NCOR2: variants seen among roughly 807,000 people sequenced by gnomAD.
The protein encoded by NCOR2 is CTG repeat protein 26.
A neutral mutation model predicts 262.9 loss-of-function variants in NCOR2; 81 were observed. The observed-to-expected ratio is 0.31, with a 90% CI of 0.26 to 0.37. The LOEUF (loss-of-function observed/expected upper bound fraction) is 0.37. Among genes scored for constraint, NCOR2 ranks in the 10% least tolerant of loss-of-function variants. The pLI is 1.00. For missense variants in NCOR2, 3,385 were observed against 3,621.4 expected, an observed-to-expected ratio of 0.93 and a Z score of 1.68; for synonymous variants, 1,659 against 1,559.3, an observed-to-expected ratio of 1.06 and a Z score of -1.51.
At chr12:124,556,666 C>G (rs982680907) in intron 1 of NCOR2, among the ~76,000 whole-genome samples, 2 of 152,134 alleles carry the variant, frequency 1.3e-5, no homozygotes, top group Non-Finnish European at 2.9e-5. Flanking sequence ...TTGAGACCAG[C>G]CTGGCCAACA....
chr12:124,477,452 T>A (rs892755669), intron 3 of NCOR2, among the ~76,000 whole-genome samples: 1 of 152,220 alleles, frequency 6.6e-6, no homozygotes, highest in Non-Finnish European at 1.5e-5. Context: ...GGGTATGTCT[T>A]TATTAGCGGT....
At chr12:124,364,057 C>T (rs2038820729) in intron 20 of NCOR2, among the ~76,000 whole-genome samples, 1 of 152,198 alleles carries the variant, frequency 6.6e-6, no homozygotes, top group African/African-American at 2.4e-5. Flanking sequence ...CTGGTTCTTG[C>T]AGGCCCCATC....
chr12:124,435,263 C>T (rs962752949), intron 8 of NCOR2, among the ~76,000 whole-genome samples: 1 of 152,234 alleles, frequency 6.6e-6, no homozygotes, highest in African/African-American at 2.4e-5. Flanking sequence ...GGTCTGTTTC[C>T]TGGCCTGTGA....
At chr12:124,422,632 G>C in intron 11 of NCOR2, 77 bp from the exon 14 acceptor site, 3 of 1,561,918 alleles carry the variant, frequency 1.9e-6, no homozygotes, top group Non-Finnish European at 2.6e-6. Flanking sequence ...GCTCCCAGGC[G>C]CCTGCCATCC....
At chr12:124,377,336 G>C (rs1423080572) in intron 18 of NCOR2, among the ~76,000 whole-genome samples, 1 of 152,100 alleles carries the variant, frequency 6.6e-6, no homozygotes, top group Non-Finnish European at 1.5e-5. Flanking sequence ...TGGGGCGCCT[G>C]GGCCCAGGCC....
Position 124,354,067 on chromosome 12 carries a change from T to C in NCOR2, c.3693+26A>G, listed in dbSNP as rs746832316. On this transcript the variant is annotated intron_variant, in intron 27 of 46. Coordinates refer to ENST00000405201, the Ensembl canonical transcript of NCOR2. ...GGCCCCGTGCTGGTCCCAACCGTCCTTCCTGCCGCACCCCAGGACACCTAC... is the reference window on the plus strand; with the variant it reads ...GGCCCCGTGCTGGTCCCAACCGTCCCTCCTGCCGCACCCCAGGACACCTAC... The C allele has an allele frequency of 1.9e-6, 3 of 1,595,784 alleles. No individual in the cohort carries two copies. The South Asian group carries it at 3.4e-5, about 18-fold the overall frequency.
intron 46 of NCOR2, 114 bp from the exon 49 acceptor site, chr12:124,325,697 T>A: frequency 1.5e-6 from 1 of 654,768 alleles, no homozygotes; most frequent in Non-Finnish European, 2.2e-6. Flanking sequence ...CCAACAGTCC[T>A]CCCAGACCTT....
chr12:124,335,124 C>A lies in NCOR2; in HGVS notation c.6411+11G>T. On this transcript the variant is annotated intron_variant, in intron 40 of 46. Transcript: ENST00000405201. ...AAAGGTGACAAGCAGCAGCAGAGAA[C>A]GCGTAGTTACACTGATGTGCTGGGC... 1 of 1,612,336 alleles carries A rather than the reference C, an allele frequency of 6.2e-7. No individual in the cohort carries two copies. Among genetic ancestry groups the A allele is most frequent in the Middle Eastern group, 1.8e-4 (1 of 5,654 alleles).
At chr12:124,379,826 G>A (rs1256556299) in intron 17 of NCOR2, among the ~76,000 whole-genome samples, 1 of 152,246 alleles carries the variant, frequency 6.6e-6, no homozygotes, top group Admixed American at 6.5e-5. Flanking sequence ...TGGAAGAAAA[G>A]GGAAACACGG....
At chr12:124,476,169 C>T (rs961580777) in intron 3 of NCOR2, among the ~76,000 whole-genome samples, 3 of 152,218 alleles carry the variant, frequency 2.0e-5, no homozygotes, top group African/African-American at 4.8e-5. Context: ...CTGGCACCCC[C>T]GGGCCTTTGC....
Position 124,325,330 on chromosome 12 carries a change from C to T in NCOR2, c.*72G>A, listed in dbSNP as rs2034528813. The T allele has an allele frequency of 2.7e-6, 3 of 1,099,708 alleles. No homozygotes were observed. The South Asian group carries it at 9.8e-5, about 36-fold the overall frequency. 68.1% of individuals were successfully genotyped at this position (1,099,708 alleles called of 1,614,324 possible). ...CCTTGGTTGGGGGAGTCGGCAGCCG[C>T]CCTGCTCCTGCAGGGCCGTTCCTGT... On this transcript the variant is annotated 3_prime_UTR_variant, in exon 47 of 47. Transcript: ENST00000405201.
intron 1 of NCOR2, among the ~76,000 whole-genome samples, chr12:124,500,433 C>T (rs1339834970): frequency 6.6e-6 from 1 of 152,232 alleles, no homozygotes; most frequent in African/African-American, 2.4e-5. Context: ...TCCCTGTTCC[C>T]GGCCACTGCG....
At chr12:124,444,240 C>T (rs923832055) in intron 7 of NCOR2, among the ~76,000 whole-genome samples, 2 of 152,124 alleles carry the variant, frequency 1.3e-5, no homozygotes, top group African/African-American at 4.8e-5. Context: ...TGTAGGAGGG[C>T]TCTGGAGGCA....
chr12:124,563,383 A>G (rs771899362), intron 1 of NCOR2, among the ~76,000 whole-genome samples: 20 of 152,240 alleles, frequency 1.3e-4, no homozygotes, highest in Non-Finnish European at 2.5e-4. Flanking sequence ...ACTCTGCTCC[A>G]AAATAGACAT....
chr12:124,515,431 C>G (rs2049676568), intron 1 of NCOR2, among the ~76,000 whole-genome samples: 1 of 151,900 alleles, frequency 6.6e-6, no homozygotes, highest in South Asian at 2.1e-4. Context: ...CTTCACCCAG[C>G]CTCCCCCAAG....
chr12:124,433,548 T>C (rs2044107907), intron 8 of NCOR2, among the ~76,000 whole-genome samples: 1 of 152,160 alleles, frequency 6.6e-6, no homozygotes, highest in Non-Finnish European at 1.5e-5. Context: ...CCAGCAGTAG[T>C]GTCCCTGAGG....
chr12:124,550,221 A>G (rs2051673501), intron 1 of NCOR2, among the ~76,000 whole-genome samples: 1 of 152,184 alleles, frequency 6.6e-6, no homozygotes, highest in Admixed American at 6.5e-5. Context: ...TACCAAATGC[A>G]TGAGAGTGTC....
At position 124,418,628 on chromosome 12, in the gene NCOR2, G is replaced by A. The variant is rs1280517719; in HGVS notation, c.1482+1329C>T. On this transcript the variant is annotated intron_variant, in intron 13 of 46. Coordinates refer to ENST00000405201, the Ensembl canonical transcript of NCOR2. ...TCTCTGGGGACACTTTGTGTCTACC[G>A]GCCACCTGGAGCTGCTCCGGGCCTG... 4.6e-5 allele frequency among the ~76,000 whole-genome samples: 7 copies of A among 152,288 alleles called. No homozygotes were observed. In the East Asian group the frequency reaches 9.7e-4, roughly 21 times the overall value.
At chr12:124,356,555 C>A in intron 23 of NCOR2, 87 bp downstream of exon 25, 1 of 1,174,608 alleles carries the variant, frequency 8.5e-7, no homozygotes. Context: ...TAAGATGCTT[C>A]TGTGTGCAGC....
Sources: gnomAD v4.1 joint callset for allele counts (sites outside exome capture counted in the v4.1 genomes callset) on GRCh38, gnomAD v4.1.1 for gene constraint, MANE v1.5 for transcripts, NCBI Gene and HGNC (gene_info 2026-07-23, HGNC 2026-07-21) for gene names.